The following ETV6 variants were observed in gnomAD, a reference collection of about 807,000 sequenced individuals.
ETV6 encodes transcription factor ETV6.
In ETV6, 16 loss-of-function variants were observed where a neutral mutation model predicts 51.1. The observed-to-expected ratio is 0.31, with a 90% CI of 0.21 to 0.48. The LOEUF (loss-of-function observed/expected upper bound fraction) is 0.48, where lower values mean the gene tolerates loss of function less well. ETV6 is among the 20% of genes least tolerant of loss of function. The pLI, the probability that ETV6 is intolerant of heterozygous loss-of-function variation, is 0.99. For synonymous variants in ETV6, 240 were observed against 224.1 expected, an observed-to-expected ratio of 1.07 and a Z score of -0.64; for missense variants, 458 against 594.8, an observed-to-expected ratio of 0.77 and a Z score of 2.39.
chr12:11,703,671 A>G (rs1336776173), intron 1 of ETV6, among the ~76,000 whole-genome samples: 1 of 152,200 alleles, frequency 6.6e-6, no homozygotes, highest in African/African-American at 2.4e-5. Context: ...GGCTATTCTG[A>G]ATGATCAATA....
intron 1 of ETV6, 63 bp downstream of exon 1, chr12:11,650,223 C>A (rs946174596): frequency 7.1e-6 from 10 of 1,406,164 alleles, no homozygotes; most frequent in Non-Finnish European, 1.0e-5. Flanking sequence ...CCAGGGCAGT[C>A]GTGCTGGGCT....
intron 1 of ETV6, among the ~76,000 whole-genome samples, chr12:11,718,245 G>A (rs1427221104): frequency 6.6e-6 from 1 of 152,074 alleles, no homozygotes; most frequent in African/African-American, 2.4e-5. Context: ...CCCCTGTGCT[G>A]AGCAGCCCCC....
chr12:11,800,413 G>A (rs539017294), intron 2 of ETV6, among the ~76,000 whole-genome samples: 4 of 152,078 alleles, frequency 2.6e-5, no homozygotes, highest in Admixed American at 6.5e-5. Flanking sequence ...GTTTTTTGTG[G>A]TGAGAACATT....
intron 1 of ETV6, among the ~76,000 whole-genome samples, chr12:11,747,259 A>G (rs760724720): frequency 3.0e-4 from 46 of 152,198 alleles, no homozygotes; most frequent in Non-Finnish European, 1.2e-4. Flanking sequence ...TTGAGACCCA[A>G]ACACCATTTG....
At chr12:11,763,122 A>G (rs757787143) in intron 2 of ETV6, among the ~76,000 whole-genome samples, 10 of 151,992 alleles carry the variant, frequency 6.6e-5, no homozygotes, top group Admixed American at 1.3e-4. Flanking sequence ...TCGGGGAGAA[A>G]ATGCTTTCCT....
intron 4 of ETV6, among the ~76,000 whole-genome samples, chr12:11,860,003 G>A (rs1355134290): frequency 1.3e-5 from 2 of 152,160 alleles, no homozygotes; most frequent in African/African-American, 4.8e-5. Flanking sequence ...CTTGGGATGG[G>A]CCGTCTTAGC....
chr12:11,818,460 G>A (rs746858655), intron 2 of ETV6, among the ~76,000 whole-genome samples: 11 of 151,842 alleles, frequency 7.2e-5, no homozygotes, highest in Non-Finnish European at 1.3e-4. Context: ...CCTGGGAGGC[G>A]GAGGTTGCAA....
chr12:11,701,761 A>G (rs1864987717), intron 1 of ETV6, among the ~76,000 whole-genome samples: 2 of 152,216 alleles, frequency 1.3e-5, no homozygotes, highest in Admixed American at 1.3e-4. Context: ...ACCATGTGCT[A>G]GGTGCCAAAG....
At chr12:11,673,843 C>G (rs982664844) in intron 1 of ETV6, among the ~76,000 whole-genome samples, 8 of 152,062 alleles carry the variant, frequency 5.3e-5, no homozygotes, top group African/African-American at 1.9e-4. Context: ...AAACTGTGTG[C>G]GTGGTCTCTA....
intron 4 of ETV6, among the ~76,000 whole-genome samples, chr12:11,866,214 A>G (rs550305031): frequency 6.7e-6 from 1 of 149,064 alleles, no homozygotes; most frequent in Admixed American, 6.7e-5. Context: ...TTTTAATTCC[A>G]TTTCCCTTTT....
In ETV6 at chr12:11,869,352, G is replaced by T. The variant is rs1946840543; in HGVS notation, c.464-72G>T. 1 of 1,423,088 alleles carries T rather than the reference G, an allele frequency of 7.0e-7. No homozygotes were observed. The allele number at this position is 1,423,088 out of a possible 1,614,324, so 88.2% of individuals were successfully genotyped here. Reference sequence around the variant, plus strand: ...CTACACGCTCCTCCATTTACCGCCTGTAGAGCCGCAGGGAGTTTCCTGTCC... The same window carrying T: ...CTACACGCTCCTCCATTTACCGCCTTTAGAGCCGCAGGGAGTTTCCTGTCC... On this transcript the variant is annotated intron_variant, in intron 4 of 7. Transcript: ENST00000396373. This position sits in a 1 kb window ranked among gnomAD's most constrained non-coding sequence, Gnocchi z 5.0.
At chr12:11,845,461 A>C (rs1405320293) in intron 3 of ETV6, among the ~76,000 whole-genome samples, 1 of 152,168 alleles carries the variant, frequency 6.6e-6, no homozygotes, top group Non-Finnish European at 1.5e-5. Flanking sequence ...TAATTGTCTT[A>C]CTGTATCTGT....
At chr12:11,655,895 T>G (rs1051819167) in intron 1 of ETV6, among the ~76,000 whole-genome samples, 1 of 152,240 alleles carries the variant, frequency 6.6e-6, no homozygotes, top group Non-Finnish European at 1.5e-5. Context: ...ATGCTTGCAT[T>G]TCTGAAACTT....
chr12:11,673,793 T>C (rs1285832627), intron 1 of ETV6, among the ~76,000 whole-genome samples: 1 of 152,226 alleles, frequency 6.6e-6, no homozygotes, highest in Non-Finnish European at 1.5e-5. Context: ...TATCTGTGAC[T>C]GTTGTTAGAG....
chr12:11,652,050 C>G (rs1340552776), intron 1 of ETV6, among the ~76,000 whole-genome samples: 1 of 152,208 alleles, frequency 6.6e-6, no homozygotes, highest in Non-Finnish European at 1.5e-5. Context: ...TTAAATGCAA[C>G]ATGAAAATTG....
chr12:11,778,817 A>C (rs960606276), intron 2 of ETV6, among the ~76,000 whole-genome samples: 5 of 152,208 alleles, frequency 3.3e-5, no homozygotes, highest in African/African-American at 1.2e-4. Flanking sequence ...CCTCCGTGTG[A>C]GTGATTTCAG....
chr12:11,663,823 A>G (rs570483257), intron 1 of ETV6, among the ~76,000 whole-genome samples: 214 of 152,258 alleles, frequency 1.4e-3, no homozygotes, highest in Non-Finnish European at 2.4e-3. Context: ...CTGAAAAAAT[A>G]AAGTGTTGTT....
intron 4 of ETV6, among the ~76,000 whole-genome samples, chr12:11,854,684 A>T (rs542252441): frequency 5.3e-5 from 8 of 152,344 alleles, no homozygotes; most frequent in Non-Finnish European, 1.0e-4. Context: ...TTAGCTTGGA[A>T]CCAGAGTGTG....
chr12:11,731,133 C>G (rs984172737), intron 1 of ETV6, among the ~76,000 whole-genome samples: 2 of 152,176 alleles, frequency 1.3e-5, no homozygotes, highest in African/African-American at 2.4e-5. Context: ...AGGGGCAGCC[C>G]TCTTTCTCCA....
Sources: allele counts gnomAD v4.1 joint callset (sites outside exome capture counted in the v4.1 genomes callset), GRCh38; gene constraint gnomAD v4.1.1; non-coding constraint Gnocchi (gnomAD v3.1); transcripts MANE v1.5; gene names NCBI Gene and HGNC (gene_info 2026-07-23, HGNC 2026-07-21).